Variants in PAEP observed in about 807,000 individuals in gnomAD.
PAEP encodes glycodelin.
A neutral mutation model predicts 23.0 loss-of-function variants in PAEP; 28 were observed. The ratio of observed to expected loss-of-function variants is 1.22; its 90% confidence interval spans 0.90 to 1.67. The LOEUF (loss-of-function observed/expected upper bound fraction) is 1.67. PAEP is among the 40% of genes most tolerant of loss of function. The pLI, the probability that PAEP is intolerant of heterozygous loss-of-function variation, is 0.00. For missense variants in PAEP, 209 were observed against 226.4 expected, an observed-to-expected ratio of 0.92 and a Z score of 0.49; for synonymous variants, 103 against 92.4, an observed-to-expected ratio of 1.12 and a Z score of -0.66.
At position 135,562,167 on chromosome 9, in the gene PAEP, C is replaced by T. The variant is rs149293820; in HGVS notation, c.97-127C>T. On this transcript the variant is annotated intron_variant, in intron 1 of 6. Coordinates refer to ENST00000479141, the MANE Select transcript of PAEP (RefSeq NM_002571.4). ...TACAGGAAATTTCATAGCCCAGGAT[C>T]TGGTAGATAGCAGACAACCATCCAA... is the stretch of plus-strand genomic sequence containing the variant. The T allele has an allele frequency of 3.4e-4, 372 of 1,086,380 alleles. 8 individuals carry two copies. In the East Asian group the frequency reaches 6.9e-3, roughly 20 times the overall value. The allele number at this position is 1,086,380 out of a possible 1,614,324, so 67.3% of individuals were successfully genotyped here. A position where few individuals can be genotyped will look rare whatever the true frequency, so the allele number is the denominator to read the frequency against.
chr9:135,566,167 T>TC (rs982661098), intron 6 of PAEP: 1 of 240,994 alleles, frequency 4.1e-6, no homozygotes, highest in African/African-American at 2.4e-5. Context: ...GGTCCCACGT[T>TC]CTTTTTTTTT....
Position 135,562,819 on chromosome 9 carries a change from G to T in PAEP, c.237-1G>T. On this transcript the variant is annotated splice_acceptor_variant, in intron 2 of 6. Coordinates refer to ENST00000479141, the MANE Select transcript of PAEP (RefSeq NM_002571.4). LOFTEE classifies it high-confidence loss of function. ...CTCATCCTATTGTCACCACCTTTCA[G>T]GGAGAACAACAGCTGTGTTGAGAAG... 1 of 1,613,070 alleles carries T rather than the reference G, an allele frequency of 6.2e-7. No homozygotes were observed. Among genetic ancestry groups the T allele is most frequent in the Non-Finnish European group, 8.5e-7 (1 of 1,179,190 alleles).
At position 135,565,532 on chromosome 9, in the gene PAEP, C is replaced by T; in HGVS notation, c.526+18C>T. 6.3e-7 allele frequency: 1 copy of T among 1,598,944 alleles called. No homozygotes were observed. Among genetic ancestry groups the T allele is most frequent in the Non-Finnish European group, 8.6e-7 (1 of 1,166,286 alleles). ...GATGGAAGGTGAGCTCTGCCTAGGACACGCCCAGCCTCAGCTGGAGGAGAA... is the reference window on the plus strand; with the variant it reads ...GATGGAAGGTGAGCTCTGCCTAGGATACGCCCAGCCTCAGCTGGAGGAGAA... On this transcript the variant is annotated intron_variant, in intron 5 of 6. Coordinates refer to ENST00000479141, the MANE Select transcript of PAEP (RefSeq NM_002571.4).
At chr9:135,563,537 G>A (rs1002506723) in intron 3 of PAEP, among the ~76,000 whole-genome samples, 2 of 151,636 alleles carry the variant, frequency 1.3e-5, no homozygotes, top group Non-Finnish European at 2.9e-5. Flanking sequence ...TGGGCAGGTG[G>A]GCAGGTGGGC....
Position 135,566,533 on chromosome 9 carries a change from G to A in PAEP, c.*1-20G>A, listed in dbSNP as rs1289939560. The A allele has an allele frequency of 6.5e-6, 1 of 154,676 alleles. No homozygotes were observed. Among genetic ancestry groups the A allele is most frequent in the African/African-American group, 2.4e-5 (1 of 41,408 alleles). 9.6% of individuals were successfully genotyped at this position (154,676 alleles called of 1,614,324 possible). On this transcript the variant is annotated intron_variant, in intron 6 of 6. Transcript: ENST00000479141. ...CCCTGCTCTTCCTCCCTCTACTTAA[G>A]TGACCTGTAAACCCAACAGCTCACC...
At chr9:135,564,831 C>G (rs373752450) in intron 4 of PAEP, 11 of 985,280 alleles carry the variant, frequency 1.1e-5, no homozygotes, top group Admixed American at 6.1e-5. Context: ...AGCGGTTCAT[C>G]GAGTCCTCTG....
At chr9:135,565,272 T>C in intron 4 of PAEP, 138 bp from the exon 5 acceptor site, 4 of 712,162 alleles carry the variant, frequency 5.6e-6, no homozygotes, top group Admixed American at 2.3e-5. Flanking sequence ...CCTAGGGACC[T>C]ACTCCAGACC....
At chr9:135,562,464 CG>C (rs1008682645) in intron 2 of PAEP, 31 bp downstream of exon 2, 5 of 1,604,634 alleles carry the variant, frequency 3.1e-6, no homozygotes, top group South Asian at 2.2e-5. Flanking sequence ...ACGGGCTGGG[CG>C]GGGGCTCAGT....
chr9:135,566,037 G>A (rs1832565941), intron 6 of PAEP, among the ~76,000 whole-genome samples: 1 of 152,168 alleles, frequency 6.6e-6, no homozygotes, highest in Admixed American at 6.5e-5. Flanking sequence ...GTGCCCTATA[G>A]TCAGACCTCA....
At chr9:135,564,614 G>A (rs530065802) in intron 4 of PAEP, 31 of 598,354 alleles carry the variant, frequency 5.2e-5, no homozygotes, top group Admixed American at 1.9e-4. Flanking sequence ...AGCGATTCTC[G>A]TGCCTCAGCC....
chr9:135,562,453 G>A lies in PAEP; in HGVS notation c.236+20G>A. Reference sequence around the variant, plus strand: ...CAGATGGTGGGTTTCTCATCATTGAGACGGGCTGGGCGGGGGCTCAGTCTC... The same window carrying A: ...CAGATGGTGGGTTTCTCATCATTGAAACGGGCTGGGCGGGGGCTCAGTCTC... On this transcript the variant is annotated intron_variant, in intron 2 of 6. Transcript: ENST00000479141. 1 of 1,611,214 alleles carries A rather than the reference G, an allele frequency of 6.2e-7. No homozygotes were observed. Among genetic ancestry groups the A allele is most frequent in the Non-Finnish European group, 8.5e-7 (1 of 1,178,398 alleles).
chr9:135,565,774 T>C lies in PAEP; in HGVS notation c.527-11T>C. The C allele has an allele frequency of 6.2e-7, 1 of 1,613,998 alleles. No homozygotes were observed. The highest frequency in any genetic ancestry group is 8.5e-7 in the Non-Finnish European group (1 of 1,179,954). On this transcript the variant is annotated splice_polypyrimidine_tract_variant and intron_variant, in intron 5 of 6. Coordinates refer to ENST00000479141, the MANE Select transcript of PAEP (RefSeq NM_002571.4). Reference sequence around the variant, plus strand: ...TCGCTGACACCTCCACTGTCCCATCTCCTCCCACAGAGCCGTGCCGTTTCT... The same window carrying C: ...TCGCTGACACCTCCACTGTCCCATCCCCTCCCACAGAGCCGTGCCGTTTCT...
At chr9:135,564,910 A>C (rs1453386685) in intron 4 of PAEP, 1 of 979,498 alleles carries the variant, frequency 1.0e-6, no homozygotes, top group African/African-American at 1.8e-5. Flanking sequence ...TGGTGGATAG[A>C]TTAATACTCA....
In PAEP at chr9:135,564,223, GTTC is replaced by G; in HGVS notation, c.311-16_311-14del. 6.4e-7 allele frequency: 1 copy of G among 1,551,838 alleles called. No homozygotes were observed. The highest frequency in any genetic ancestry group is 8.7e-7 in the Non-Finnish European group (1 of 1,146,980). On this transcript the variant is annotated intron_variant, in intron 3 of 6. Transcript: ENST00000479141. ...AGACGGAGGCTTCATCTTCCTTTTG[GTTC>G]TTCTCTTCTTTCCCCAGATACGGTG...
chr9:135,564,861 T>C lies in PAEP; in HGVS notation c.421+507T>C, dbSNP rs550394586. ...CCTCTGACAAAGCAAGGAGCTGATATAGGGCCAGTGGGACGGTCGCCAGTC... is the reference window on the plus strand; with the variant it reads ...CCTCTGACAAAGCAAGGAGCTGATACAGGGCCAGTGGGACGGTCGCCAGTC... On this transcript the variant is annotated intron_variant, in intron 4 of 6. Transcript: ENST00000479141. The C allele has an allele frequency of 5.1e-6, 5 of 985,428 alleles. No individual in the cohort carries two copies. The South Asian group carries it at 1.4e-4, about 28-fold the overall frequency. 61.0% of individuals were successfully genotyped at this position (985,428 alleles called of 1,614,324 possible).
intron 3 of PAEP, among the ~76,000 whole-genome samples, chr9:135,563,313 A>AACAG (rs1832405363): frequency 1.9e-5 from 2 of 104,726 alleles, no homozygotes; most frequent in African/African-American, 3.8e-5. Context: ...TGGCTAGGTG[A>AACAG]GTAAGTGGTT....
Position 135,562,892 on chromosome 9 carries a change from CTG to C in PAEP, c.310+2_310+3del. The C allele has an allele frequency of 6.2e-7, 1 of 1,611,980 alleles. No individual in the cohort carries two copies. The highest frequency in any genetic ancestry group is 8.5e-7 in the Non-Finnish European group (1 of 1,178,052). Reference sequence around the variant, plus strand: ...AGAATCCAAAGAAGTTCAAGATCAACTGTGAGTGTCCCCAGGCCCCAAGGGCT... The same window carrying C: ...AGAATCCAAAGAAGTTCAAGATCAACTGAGTGTCCCCAGGCCCCAAGGGCT... On this transcript the variant is annotated splice_donor_variant and coding_sequence_variant, in exon 3 of 7. Transcript: ENST00000479141. LOFTEE classifies it high-confidence loss of function.
chr9:135,565,925 T>A, intron 6 of PAEP, 124 bp downstream of exon 6: 3 of 1,053,032 alleles, frequency 2.8e-6, no homozygotes, highest in Admixed American at 3.4e-5. Context: ...CCTACAGGAA[T>A]GAACTGGGGT....
At position 135,561,864 on chromosome 9, in the gene PAEP, C is replaced by A; in HGVS notation, c.63C>A (p.Ile21=). The change falls in exon 1 of 7, where the codon ATC becomes ATA. Residue 21 remains isoleucine, a synonymous_variant. Coordinates refer to ENST00000479141, the MANE Select transcript of PAEP (RefSeq NM_002571.4). ...ALVCGVPAMD[I]PQTKQDLELP... ...TCTGTGGTGTCCCGGCCATGGACATCCCCCAGACCAAGCAGGACCTGGAGC... is the reference window on the plus strand; with the variant it reads ...TCTGTGGTGTCCCGGCCATGGACATACCCCAGACCAAGCAGGACCTGGAGC... 5 of 1,567,608 alleles carry A rather than the reference C, an allele frequency of 3.2e-6. No individual in the cohort carries two copies. The highest frequency in any genetic ancestry group is 4.3e-6 in the Non-Finnish European group (5 of 1,155,488).
Sources: allele counts gnomAD v4.1 joint callset (sites outside exome capture counted in the v4.1 genomes callset), GRCh38; gene constraint gnomAD v4.1.1; transcripts MANE v1.5; gene names NCBI Gene and HGNC (gene_info 2026-07-23, HGNC 2026-07-21).